The following LAMA2 variants were observed in gnomAD, a reference collection of about 807,000 sequenced individuals.
LAMA2 encodes the protein laminin subunit alpha 2.
In LAMA2, 269 loss-of-function variants were observed where a neutral mutation model predicts 364.8. That is an observed-to-expected ratio of 0.74 (90% CI 0.67 to 0.82). LAMA2 has a LOEUF of 0.82. LAMA2 is among the 40% of genes least tolerant of loss of function. LAMA2 has a pLI of 0.00. For missense variants in LAMA2, 3,807 were observed against 3,873.2 expected (o/e 0.98, Z 0.45); for synonymous variants, 1,379 against 1,370.6 (o/e 1.01, Z -0.14).
At chr6:128,903,651 C>T (rs1010775736) in intron 1 of LAMA2, among the ~76,000 whole-genome samples, 1 of 152,168 alleles carries the variant, frequency 6.6e-6, no homozygotes, top group Non-Finnish European at 1.5e-5. Context: ...CTCTTGCAAG[C>T]TTCTTTATCC....
At position 129,478,290 on chromosome 6, in the gene LAMA2, T is replaced by C. The variant is rs551478448; in HGVS notation, c.7452-403T>C. ...ACGTTTTCAGATTTTTTTTTCTAAC[T>C]TTTGAGCAAGGTTTTTAAAAACTTT... On this transcript the variant is annotated intron_variant, in intron 53 of 64. Coordinates refer to ENST00000421865, the MANE Select transcript of LAMA2 (RefSeq NM_000426.4). 3.9e-5 allele frequency among the ~76,000 whole-genome samples: 6 copies of C among 152,256 alleles called. No individual in the cohort carries two copies. The East Asian group carries it at 7.7e-4, about 20-fold the overall frequency.
At chr6:129,028,889 C>T (rs886976765) in intron 1 of LAMA2, among the ~76,000 whole-genome samples, 3 of 151,546 alleles carry the variant, frequency 2.0e-5, no homozygotes, top group Non-Finnish European at 3.0e-5. Context: ...AGTCATAAGC[C>T]GTTCTGGTAC....
chr6:128,918,344 A>G (rs906716409), intron 1 of LAMA2, among the ~76,000 whole-genome samples: 6 of 152,178 alleles, frequency 3.9e-5, no homozygotes, highest in Admixed American at 3.9e-4. Context: ...TTTAGGATGT[A>G]TATATATTTG....
At chr6:129,504,154 A>T (rs977617291) in intron 60 of LAMA2, among the ~76,000 whole-genome samples, 6 of 152,204 alleles carry the variant, frequency 3.9e-5, no homozygotes, top group African/African-American at 1.4e-4. Context: ...AAAGAACCTT[A>T]AAAAACGCGA....
At chr6:128,916,186 G>A (rs1778301181) in intron 1 of LAMA2, among the ~76,000 whole-genome samples, 1 of 151,904 alleles carries the variant, frequency 6.6e-6, no homozygotes, top group African/African-American at 2.4e-5. Context: ...GGTCTTAAGT[G>A]GGTAGCATAA....
chr6:129,300,930 G>C, intron 22 of LAMA2, 58 bp downstream of exon 22: 2 of 1,503,018 alleles, frequency 1.3e-6, no homozygotes, highest in Non-Finnish European at 1.9e-6. Context: ...GTTTTGTAGA[G>C]CTCTGTAATT....
intron 1 of LAMA2, among the ~76,000 whole-genome samples, chr6:128,960,561 T>C (rs2114591879): frequency 6.6e-6 from 1 of 151,504 alleles, no homozygotes; most frequent in East Asian, 2.0e-4. Context: ...GGTTTCACCA[T>C]GTGGGCCAGG....
rs121913574 is a variant in LAMA2, at chr6:129,190,317, G to A, written c.1580G>A (p.Cys527Tyr). 9 of 1,613,432 alleles carry A rather than the reference G, an allele frequency of 5.6e-6. No individual in the cohort carries two copies. The highest frequency in any genetic ancestry group is 7.6e-6 in the Non-Finnish European group (9 of 1,179,540). The change falls in exon 11 of 65, where the codon TGT becomes TAT. Residue 527 changes from cysteine to tyrosine, a missense_variant. Physicochemically the swap from Cys to Tyr is radical, Grantham distance 194 (BLOSUM62 -2). Around this residue, in one of 3 missense-constraint regions of LAMA2, gnomAD observed 3,333 missense variants for 3,345.7 expected, o/e 1.00. Transcript: ENST00000421865. ...TTCTGTTCAGGGGTTTCAAACAGAT[G>A]TCAGAGTTCCTACTGGACCTATGGC... ...ECFCSGVSNR[C>Y]QSSYWTYGKI...
At chr6:129,488,175 T>C (rs1380988570) in intron 56 of LAMA2, among the ~76,000 whole-genome samples, 9 of 151,928 alleles carry the variant, frequency 5.9e-5, no homozygotes. Flanking sequence ...CCAGACATGG[T>C]GGTAGGCGCC....
At position 129,088,102 on chromosome 6, in the gene LAMA2, C is replaced by T. The variant is rs1428415650; in HGVS notation, c.397-10071C>T. 2.4e-4 allele frequency among the ~76,000 whole-genome samples: 8 copies of T among 32,854 alleles called. 3 individuals are homozygous for T. Among genetic ancestry groups the T allele is most frequent in the African/African-American group, 3.3e-4 (8 of 24,518 alleles). The allele number at this position is 32,854 out of a possible 152,430, so 21.6% of individuals were successfully genotyped here. On this transcript the variant is annotated intron_variant, in intron 3 of 64. Coordinates refer to ENST00000421865, the MANE Select transcript of LAMA2 (RefSeq NM_000426.4). ...ATCAGGGAGTCCTGATGACTCTTAA[C>T]GCGCATGCTGCCTTAAAGCATCTGT...
intron 3 of LAMA2, among the ~76,000 whole-genome samples, chr6:129,088,051 C>A (rs7450859): frequency 0.7 from 26,741 of 38,022 alleles, 10,507 homozygotes; most frequent in Middle Eastern, 0.8. Flanking sequence ...GGCCTTCCGC[C>A]GTGTTTGTGT....
At chr6:129,403,713 G>C in intron 39 of LAMA2, 108 bp from the exon 40 acceptor site, 2 of 984,590 alleles carry the variant, frequency 2.0e-6, no homozygotes, top group South Asian at 2.6e-5. Flanking sequence ...AATTGTCATA[G>C]ATATATTGGC....
At chr6:129,246,914 G>C (rs1259944132) in intron 12 of LAMA2, among the ~76,000 whole-genome samples, 1 of 152,082 alleles carries the variant, frequency 6.6e-6, no homozygotes, top group African/African-American at 2.4e-5. Context: ...CTGAATAATA[G>C]CATCCTTCAG....
intron 4 of LAMA2, among the ~76,000 whole-genome samples, chr6:129,114,503 T>C (rs934749020): frequency 6.6e-6 from 1 of 152,090 alleles, no homozygotes; most frequent in African/African-American, 2.4e-5. Context: ...AAAGGATGTT[T>C]CTTGAGATAG....
chr6:128,943,042 C>T (rs1056033834), intron 1 of LAMA2, among the ~76,000 whole-genome samples: 3 of 152,142 alleles, frequency 2.0e-5, no homozygotes, highest in African/African-American at 7.2e-5. Flanking sequence ...TTATTTTGCA[C>T]ATAAGCTATA....
intron 47 of LAMA2, among the ~76,000 whole-genome samples, chr6:129,454,829 T>G (rs1384831407): frequency 1.3e-5 from 2 of 152,266 alleles, no homozygotes; most frequent in Admixed American, 6.5e-5. Context: ...ACCATATAGA[T>G]TACTTATAGA....
intron 34 of LAMA2, among the ~76,000 whole-genome samples, chr6:129,380,591 AAGG>A (rs1421089687): frequency 6.6e-6 from 1 of 152,152 alleles, no homozygotes; most frequent in Admixed American, 6.5e-5. Context: ...TGGCCACGCT[AAGG>A]AGAAGCACTT....
At chr6:129,199,802 G>T (rs1013902084) in intron 12 of LAMA2, among the ~76,000 whole-genome samples, 2 of 151,960 alleles carry the variant, frequency 1.3e-5, no homozygotes, top group African/African-American at 2.4e-5. Flanking sequence ...TTATAGATGG[G>T]GTGCGATGGC....
intron 1 of LAMA2, among the ~76,000 whole-genome samples, chr6:128,920,839 A>T (rs1778662893): frequency 6.6e-6 from 1 of 152,072 alleles, no homozygotes; most frequent in South Asian, 2.1e-4. Context: ...TGAGAAAGGG[A>T]TGTTGAGAGT....
Sources: allele counts gnomAD v4.1 joint callset (sites outside exome capture counted in the v4.1 genomes callset), GRCh38; gene constraint gnomAD v4.1.1; regional missense constraint gnomAD v4.1.1; transcripts MANE v1.5; gene names NCBI Gene and HGNC (gene_info 2026-07-23, HGNC 2026-07-21).